Variants in CADM2 observed in about 807,000 individuals in gnomAD.
The protein encoded by CADM2 is immunoglobulin superfamily member 4D.
A neutral mutation model predicts 49.8 loss-of-function variants in CADM2; 12 were observed. The observed-to-expected ratio is 0.24, with a 90% CI of 0.15 to 0.39. The LOEUF (loss-of-function observed/expected upper bound fraction) is 0.39, where lower values mean the gene tolerates loss of function less well. Among genes scored for constraint, CADM2 ranks in the 10% least tolerant of loss-of-function variants. The pLI is 1.00. For synonymous variants in CADM2, 214 were observed against 175.4 expected (o/e 1.22, Z -1.74); for missense variants, 378 against 492.3 (o/e 0.77, Z 2.20).
At chr3:85,082,927 T>TA (rs2037225475) in intron 1 of CADM2, among the ~76,000 whole-genome samples, 1 of 152,050 alleles carries the variant, frequency 6.6e-6, no homozygotes. Flanking sequence ...TGAAGAAGTT[T>TA]AAAAAAATAA....
chr3:85,551,809 A>C (rs759538812), intron 1 of CADM2, among the ~76,000 whole-genome samples: 3 of 152,174 alleles, frequency 2.0e-5, no homozygotes, highest in Non-Finnish European at 4.4e-5. Context: ...ATTTCATAGA[A>C]ATCACAGACT....
At chr3:85,410,493 G>C (rs532611484) in intron 1 of CADM2, among the ~76,000 whole-genome samples, 9 of 152,152 alleles carry the variant, frequency 5.9e-5, no homozygotes, top group Middle Eastern at 6.8e-3. Flanking sequence ...ATTTGTATAG[G>C]CACTAAGATC....
At chr3:86,015,056 C>T (rs1241889907) in intron 8 of CADM2, 4 of 758,054 alleles carry the variant, frequency 5.3e-6, no homozygotes, top group African/African-American at 1.7e-5. Context: ...CGGACACACA[C>T]GTTAAACCCT....
At chr3:85,926,113 A>G (rs1157373389) in intron 6 of CADM2, among the ~76,000 whole-genome samples, 1 of 151,500 alleles carries the variant, frequency 6.6e-6, no homozygotes, top group Non-Finnish European at 1.5e-5. Flanking sequence ...CTCCAGCCGG[A>G]CGACAGAGTG....
At chr3:85,235,309 A>T (rs2042385418) in intron 1 of CADM2, among the ~76,000 whole-genome samples, 1 of 152,086 alleles carries the variant, frequency 6.6e-6, no homozygotes, top group African/African-American at 2.4e-5. Flanking sequence ...GTAACATTTG[A>T]CTTCCTGGGA....
At chr3:85,010,945 G>A (rs1428602755) in intron 1 of CADM2, among the ~76,000 whole-genome samples, 2 of 123,580 alleles carry the variant, frequency 1.6e-5, no homozygotes, top group African/African-American at 6.2e-5. Flanking sequence ...CTCACTGCAA[G>A]CTCCACCTCC....
rs2032334887 is a variant in CADM2 at position 84,983,464 on chromosome 3, AT to A, written c.61+23800del. 3.3e-5 allele frequency among the ~76,000 whole-genome samples: 5 copies of A among 152,094 alleles called. No homozygotes were observed. The South Asian group carries it at 1.0e-3, about 31-fold the overall frequency. Reference sequence around the variant, plus strand: ...CCAAAGCCAATTTTTAATAAAATAAATTTTATTATAAATACCACAGATACCT... The same window carrying A: ...CCAAAGCCAATTTTTAATAAAATAAATTTATTATAAATACCACAGATACCT... On this transcript the variant is annotated intron_variant, in intron 1 of 9. Coordinates refer to ENST00000383699, the MANE Select transcript of CADM2 (RefSeq NM_001167675.2).
At chr3:85,648,764 C>A (rs1042787516) in intron 1 of CADM2, among the ~76,000 whole-genome samples, 2 of 151,942 alleles carry the variant, frequency 1.3e-5, no homozygotes, top group African/African-American at 2.4e-5. Context: ...ATTACAAGAG[C>A]GTTAACATCT....
chr3:86,044,459 A>C (rs1435501382), intron 8 of CADM2, among the ~76,000 whole-genome samples: 1 of 152,234 alleles, frequency 6.6e-6, no homozygotes, highest in Non-Finnish European at 1.5e-5. Context: ...CACATGAAAA[A>C]ATGCTCATCA....
chr3:85,389,299 A>G (rs2034402517), intron 1 of CADM2, among the ~76,000 whole-genome samples: 1 of 152,156 alleles, frequency 6.6e-6, no homozygotes, highest in Non-Finnish European at 1.5e-5. Flanking sequence ...ATTATGCCAT[A>G]AATAGTGTAA....
At chr3:85,942,242 G>T (rs1037904368) in intron 7 of CADM2, among the ~76,000 whole-genome samples, 7 of 151,954 alleles carry the variant, frequency 4.6e-5, no homozygotes, top group South Asian at 2.1e-4. Flanking sequence ...CACCAGGCCT[G>T]CCCTACAAGA....
chr3:85,547,080 A>G (rs904276910), intron 1 of CADM2, among the ~76,000 whole-genome samples: 2 of 135,956 alleles, frequency 1.5e-5, no homozygotes, highest in African/African-American at 4.9e-5. Flanking sequence ...TGTTGAATTT[A>G]TACTATTTTG....
chr3:85,148,682 T>G (rs891080976), intron 1 of CADM2, among the ~76,000 whole-genome samples: 1 of 152,192 alleles, frequency 6.6e-6, no homozygotes, highest in African/African-American at 2.4e-5. Context: ...CTACTGTTGA[T>G]TTGAAGCCTT....
chr3:85,466,698 G>C (rs2038507714), intron 1 of CADM2, among the ~76,000 whole-genome samples: 1 of 151,710 alleles, frequency 6.6e-6, no homozygotes, highest in Non-Finnish European at 1.5e-5. Context: ...TAAACATTTT[G>C]CCAATAAAAA....
chr3:86,065,987 G>A (rs1306093116), intron 9 of CADM2, among the ~76,000 whole-genome samples: 8 of 152,052 alleles, frequency 5.3e-5, no homozygotes, highest in Non-Finnish European at 1.2e-4. Flanking sequence ...AAAAAATATG[G>A]AAGAAAGTTT....
At position 85,434,064 on chromosome 3, in the gene CADM2, T is replaced by C. The variant is rs949029530; in HGVS notation, c.62-292458T>C. ...GTATGAGTCGATTAAGTTTAGATTT[T>C]GCCAAAATTATTCTCTGCTAATTTT... On this transcript the variant is annotated intron_variant, in intron 1 of 9. Transcript: ENST00000383699. 2.6e-5 allele frequency among the ~76,000 whole-genome samples: 4 copies of C among 152,100 alleles called. No homozygotes were observed. In the East Asian group the frequency reaches 7.7e-4, roughly 29 times the overall value.
intron 1 of CADM2, among the ~76,000 whole-genome samples, chr3:85,715,074 C>T (rs928876161): frequency 6.6e-6 from 1 of 152,132 alleles, no homozygotes; most frequent in Admixed American, 6.5e-5. Context: ...TCTAATTACA[C>T]ATTTATGTGA....
Position 86,018,713 on chromosome 3 carries a change from T to C in CADM2, c.971-46892T>C, listed in dbSNP as rs377328167. Among the ~76,000 whole-genome samples the C allele has an allele frequency of 5.9e-3, 897 of 152,302 alleles. 9 individuals are homozygous for C. The highest frequency in any genetic ancestry group is 0.05 in the East Asian group (257 of 5,178). ...TCTGTTCATGTCCTTCGCCCACTTT[T>C]TGATGGGGTTGTTTGGTTTATTCTT... On this transcript the variant is annotated intron_variant, in intron 8 of 9. Transcript: ENST00000383699.
chr3:85,542,315 G>C (rs2061568773), intron 1 of CADM2, among the ~76,000 whole-genome samples: 1 of 151,826 alleles, frequency 6.6e-6, no homozygotes, highest in African/African-American at 2.4e-5. Context: ...CCCCCAAAAG[G>C]AGTTTACCTA....
Sources: gnomAD v4.1 joint callset for allele counts (sites outside exome capture counted in the v4.1 genomes callset) on GRCh38, gnomAD v4.1.1 for gene constraint, MANE v1.5 for transcripts, NCBI Gene and HGNC (gene_info 2026-07-23, HGNC 2026-07-21) for gene names.